CAMK4: variants seen among roughly 807,000 people sequenced by gnomAD.
CAMK4 encodes the protein calcium/calmodulin-dependent protein kinase type IV.
A neutral mutation model predicts 44.9 loss-of-function variants in CAMK4; 22 were observed. The observed-to-expected ratio is 0.49, with a 90% CI of 0.35 to 0.70. CAMK4 has a LOEUF of 0.70. Ranked by LOEUF, CAMK4 falls within the 30% of genes least tolerant of loss-of-function variation. CAMK4 has a pLI of 0.01. For synonymous variants in CAMK4, 218 were observed against 215.4 expected (o/e 1.01, Z -0.11); for missense variants, 498 against 586.8 (o/e 0.85, Z 1.56).
At chr5:111,256,032 C>T (rs1650796) in intron 1 of CAMK4, among the ~76,000 whole-genome samples, 42,554 of 151,982 alleles carry the variant, frequency 0.28, 6,142 homozygotes, top group South Asian at 0.41. Context: ...ATAGACTAAT[C>T]GATCACAGAA....
At chr5:111,438,382 A>T (rs1753717484) in intron 5 of CAMK4, among the ~76,000 whole-genome samples, 1 of 152,224 alleles carries the variant, frequency 6.6e-6, no homozygotes. Context: ...GTGAGAATAG[A>T]TATAGTTGCC....
rs1046194665 is a variant in CAMK4 at position 111,490,061 on chromosome 5, T to C, written c.*5595T>C. 1 of 152,236 alleles carries C rather than the reference T, an allele frequency of 6.6e-6. No individual in the cohort carries two copies. Among genetic ancestry groups the C allele is most frequent in the Non-Finnish European group, 1.5e-5 (1 of 68,038 alleles). The allele number at this position is 152,236 out of a possible 1,614,324, so 9.4% of individuals were successfully genotyped here. ...GGAAAACATATAGATACAGAATATA[T>C]ACATTTAATCGTTGCTTGTGATTCA... is the stretch of plus-strand genomic sequence containing the variant. On this transcript the variant is annotated 3_prime_UTR_variant, in exon 11 of 11. Coordinates refer to ENST00000282356, the MANE Select transcript of CAMK4 (RefSeq NM_001744.6).
At chr5:111,433,763 A>T (rs1753545453) in intron 5 of CAMK4, among the ~76,000 whole-genome samples, 1 of 152,250 alleles carries the variant, frequency 6.6e-6, no homozygotes, top group African/African-American at 2.4e-5. Context: ...GCTTAGGAAT[A>T]GTAAGTAAGG....
chr5:111,228,258 CT>C (rs1019552644), intron 1 of CAMK4, among the ~76,000 whole-genome samples: 1 of 151,864 alleles, frequency 6.6e-6, no homozygotes. Context: ...ATTTTGGAAC[CT>C]TTTTTTTCTT....
Position 111,449,169 on chromosome 5 carries a change from C to T in CAMK4, c.591C>T (p.Leu197=). 1 of 1,581,736 alleles carries T rather than the reference C, an allele frequency of 6.3e-7. No homozygotes were observed. Among genetic ancestry groups the T allele is most frequent in the Non-Finnish European group, 8.7e-7 (1 of 1,152,852 alleles). Residue 197 remains leucine, a synonymous_variant, in exon 7 of 11, where the codon CTC becomes CTT. Transcript: ENST00000282356. ...CTAAAATTGTGGAACATCAAGTGCT[C>T]ATGAAGACAGTATGTGGAACCCCAG... The part of the protein sequence containing the change: ...GLSKIVEHQV[L]MKTVCGTPGY...
In CAMK4 at chr5:111,334,488, C is replaced by T. The variant is rs189542965; in HGVS notation, c.162-9536C>T. Among the ~76,000 whole-genome samples the T allele has an allele frequency of 2.6e-3, 388 of 151,554 alleles. 2 individuals are homozygous for T. Among genetic ancestry groups the T allele is most frequent in the Non-Finnish European group, 4.2e-3 (282 of 67,652 alleles). ...GATATTAAATGCTTACAGATTTTGA[C>T]GTTTTTTAGGTTCCTGCTCTTTAAT... On this transcript the variant is annotated intron_variant, in intron 1 of 10. Coordinates refer to ENST00000282356, the MANE Select transcript of CAMK4 (RefSeq NM_001744.6).
At chr5:111,467,969 CA>C (rs1476124850) in intron 7 of CAMK4, among the ~76,000 whole-genome samples, 22 of 147,532 alleles carry the variant, frequency 1.5e-4, no homozygotes, top group African/African-American at 5.5e-4. Context: ...CACACACACA[CA>C]CCATGGAATA....
intron 1 of CAMK4, among the ~76,000 whole-genome samples, chr5:111,330,965 A>T (rs1749142720): frequency 6.6e-6 from 1 of 151,818 alleles, no homozygotes; most frequent in Admixed American, 6.6e-5. Context: ...CAAACAAAAA[A>T]AATTCAAGAT....
chr5:111,369,431 TA>T (rs1277268929), intron 2 of CAMK4, among the ~76,000 whole-genome samples: 3 of 152,172 alleles, frequency 2.0e-5, no homozygotes, highest in Non-Finnish European at 2.9e-5. Context: ...AAAATTGATA[TA>T]TTTTTAAATT....
intron 4 of CAMK4, among the ~76,000 whole-genome samples, chr5:111,390,939 G>A (rs1375292012): frequency 1.3e-5 from 2 of 152,100 alleles, no homozygotes; most frequent in African/African-American, 4.8e-5. Context: ...CCCAAAGCAG[G>A]CAAACACTCA....
intron 1 of CAMK4, among the ~76,000 whole-genome samples, chr5:111,308,251 A>T (rs1748019758): frequency 6.9e-6 from 1 of 144,642 alleles, no homozygotes; most frequent in South Asian, 2.3e-4. Context: ...AGAGTATAAT[A>T]AAAAAATAAA....
rs3066628 is a variant in CAMK4, at chr5:111,249,666, A to ATGTG, written c.161+25058_161+25061dup. ...TATATGTGTGTGTGTGTGTATATATATGTGTGTGTGTGTGTGTGTGTGTGT... is the reference window on the plus strand; with the variant it reads ...TATATGTGTGTGTGTGTGTATATATATGTGTGTGTGTGTGTGTGTGTGTGTGTGT... On this transcript the variant is annotated intron_variant, in intron 1 of 10. Coordinates refer to ENST00000282356, the MANE Select transcript of CAMK4 (RefSeq NM_001744.6). 5.3e-3 allele frequency among the ~76,000 whole-genome samples: 739 copies of ATGTG among 140,716 alleles called. 4 individuals carry two copies. Among genetic ancestry groups the ATGTG allele is most frequent in the African/African-American group, 0.011 (430 of 37,620 alleles). The allele number at this position is 140,716 out of a possible 152,430, so 92.3% of individuals were successfully genotyped here. A position where few individuals can be genotyped will look rare whatever the true frequency, so the allele number is the denominator to read the frequency against.
chr5:111,421,005 AG>A (rs544944499), intron 5 of CAMK4, among the ~76,000 whole-genome samples: 1 of 152,242 alleles, frequency 6.6e-6, no homozygotes, highest in Non-Finnish European at 1.5e-5. Context: ...GGAAATCACA[AG>A]GGTATTGATT....
At chr5:111,342,738 A>G (rs1410469900) in intron 1 of CAMK4, among the ~76,000 whole-genome samples, 2 of 151,348 alleles carry the variant, frequency 1.3e-5, no homozygotes, top group Admixed American at 6.6e-5. Context: ...TTTTAGCTCC[A>G]TTATTGAATT....
chr5:111,396,024 A>T (rs1419235794), intron 5 of CAMK4, among the ~76,000 whole-genome samples: 1 of 152,248 alleles, frequency 6.6e-6, no homozygotes, highest in East Asian at 1.9e-4. Context: ...TATGAGTTTT[A>T]CCCACATCAA....
chr5:111,335,786 A>G (rs1326127683), intron 1 of CAMK4, among the ~76,000 whole-genome samples: 1 of 151,398 alleles, frequency 6.6e-6, no homozygotes, highest in African/African-American at 2.4e-5. Context: ...GTGTGGGGAT[A>G]TAATATATAT....
At chr5:111,288,086 T>C (rs1000624800) in intron 1 of CAMK4, among the ~76,000 whole-genome samples, 5 of 152,236 alleles carry the variant, frequency 3.3e-5, no homozygotes, top group Non-Finnish European at 7.3e-5. Context: ...AATATTTTGA[T>C]CTGTTTCTTT....
At chr5:111,431,253 A>G (rs1177543075) in intron 5 of CAMK4, among the ~76,000 whole-genome samples, 3 of 152,164 alleles carry the variant, frequency 2.0e-5, no homozygotes, top group Admixed American at 2.0e-4. Context: ...AAGAACATAC[A>G]CTGGGAAAAA....
intron 1 of CAMK4, among the ~76,000 whole-genome samples, chr5:111,303,679 T>C (rs1747830742): frequency 6.9e-6 from 1 of 145,570 alleles, no homozygotes; most frequent in African/African-American, 2.7e-5. Context: ...CGGCAGGATA[T>C]TATCCAGGAG....
Sources: allele counts gnomAD v4.1 joint callset (sites outside exome capture counted in the v4.1 genomes callset), GRCh38; gene constraint gnomAD v4.1.1; transcripts MANE v1.5; gene names NCBI Gene and HGNC (gene_info 2026-07-23, HGNC 2026-07-21).